Variants in CYRIB observed in about 807,000 individuals in gnomAD.
The protein encoded by CYRIB is CYFIP-related Rac1 interactor B.
In CYRIB, 8 loss-of-function variants were observed where a neutral mutation model predicts 44.2. The observed-to-expected ratio is 0.18, with a 90% CI of 0.11 to 0.33. The LOEUF is 0.33. Ranked by LOEUF, CYRIB falls within the 10% of genes least tolerant of loss-of-function variation. The probability of loss-of-function intolerance (pLI) is 1.00; values close to 1 mark genes in which losing one functional copy is unlikely to be tolerated. For missense variants in CYRIB, 185 were observed against 382.8 expected, an observed-to-expected ratio of 0.48 and a Z score of 4.31; for synonymous variants, 131 against 127.2, an observed-to-expected ratio of 1.03 and a Z score of -0.20.
chr8:129,851,970 T>C, intron 8 of CYRIB, 192 bp downstream of exon 10: 1 of 393,418 alleles, frequency 2.5e-6, no homozygotes, highest in Non-Finnish European at 4.5e-6. Context: ...GTTTCCACCA[T>C]CCCTCCAGAG....
intron 5 of CYRIB, among the ~76,000 whole-genome samples, chr8:129,858,936 G>A (rs1024525689): frequency 6.6e-6 from 1 of 152,164 alleles, no homozygotes; most frequent in Non-Finnish European, 1.5e-5. Context: ...CCACAGGGTC[G>A]GTGGGTTTCT....
At chr8:129,856,894 T>C (rs972245617) in intron 5 of CYRIB, among the ~76,000 whole-genome samples, 1 of 152,224 alleles carries the variant, frequency 6.6e-6, no homozygotes, top group Non-Finnish European at 1.5e-5. Flanking sequence ...TAAAGCAACA[T>C]TGTACGTAGC....
chr8:129,995,318 T>C (rs909843652), intron 1 of CYRIB, among the ~76,000 whole-genome samples: 2 of 152,036 alleles, frequency 1.3e-5, no homozygotes, highest in African/African-American at 4.8e-5. Context: ...ACAAAGGAAG[T>C]GTTTCTTCAT....
upstream of CYRIB, among the ~76,000 whole-genome samples, chr8:129,941,271 A>G (rs1190001832): frequency 2.4e-5 from 3 of 122,506 alleles, no homozygotes; most frequent in Non-Finnish European, 5.2e-5. Context: ...AAACTGAAGG[A>G]GATTTTTTTT....
At chr8:129,854,452 A>T (rs575827333) in intron 6 of CYRIB, 109 bp from the exon 9 acceptor site, 10 of 734,988 alleles carry the variant, frequency 1.4e-5, no homozygotes, top group Non-Finnish European at 2.2e-5. Flanking sequence ...CATAATTCAT[A>T]GTATCATTTT....
intron 1 of CYRIB, among the ~76,000 whole-genome samples, chr8:130,003,715 T>G (rs1198330772): frequency 6.6e-6 from 1 of 152,210 alleles, no homozygotes; most frequent in African/African-American, 2.4e-5. Flanking sequence ...TCCAAGGTGT[T>G]GGGACAATGA....
In CYRIB at chr8:129,895,397, T is replaced by A. The variant is rs149168057; in HGVS notation, c.-11+7915A>T. Among the ~76,000 whole-genome samples the A allele has an allele frequency of 4.2e-4, 63 of 151,706 alleles. 1 individual carries two copies. The East Asian group carries it at 0.011, about 27-fold the overall frequency. On this transcript the variant is annotated intron_variant, in intron 2 of 11. Transcript: ENST00000519824. ...TAACATATCTTAACTTTGTTTATGG[T>A]GTTGTTTGTCATAACAGTCCAGTTT...
intron 2 of CYRIB, among the ~76,000 whole-genome samples, chr8:129,952,241 A>G (rs2094542348): frequency 6.6e-6 from 1 of 152,082 alleles, no homozygotes; most frequent in South Asian, 2.1e-4. Flanking sequence ...GATGGGGTTT[A>G]GTAGAGATGG....
upstream of CYRIB, among the ~76,000 whole-genome samples, chr8:129,940,699 A>G (rs1046697969): frequency 6.6e-6 from 1 of 152,170 alleles, no homozygotes; most frequent in African/African-American, 2.4e-5. Flanking sequence ...ATTAAAGGGG[A>G]AAAGATGACA....
At chr8:129,848,732 C>A (rs1351229111) in intron 10 of CYRIB, among the ~76,000 whole-genome samples, 2 of 148,664 alleles carry the variant, frequency 1.3e-5, no homozygotes, top group East Asian at 3.9e-4. Flanking sequence ...CCACACCTGG[C>A]TAATTTTTTT....
intron 2 of CYRIB, among the ~76,000 whole-genome samples, chr8:129,949,666 G>A (rs532123558): frequency 6.6e-6 from 1 of 151,732 alleles, no homozygotes; most frequent in Non-Finnish European, 1.5e-5. Context: ...TCGGGAGTTC[G>A]AGACCAGCCT....
At chr8:129,915,527 G>A (rs1295212154) in intron 1 of CYRIB, among the ~76,000 whole-genome samples, 2 of 152,158 alleles carry the variant, frequency 1.3e-5, no homozygotes, top group South Asian at 2.1e-4. Flanking sequence ...AGGACAGAAA[G>A]GGCACAGGTG....
intron 1 of CYRIB, among the ~76,000 whole-genome samples, chr8:129,938,773 C>A (rs781300690): frequency 6.6e-6 from 1 of 152,080 alleles, no homozygotes. Context: ...AAATTTTACA[C>A]TCAGAGGAAA....
intron 1 of CYRIB, among the ~76,000 whole-genome samples, chr8:129,990,764 T>G (rs1013740671): frequency 1.3e-5 from 2 of 151,934 alleles, no homozygotes. Flanking sequence ...CCTCAAGCAG[T>G]CCTCCCACCT....
chr8:129,855,445 GTATC>G (rs2045744045), intron 6 of CYRIB, 162 bp downstream of exon 8: 2 of 614,910 alleles, frequency 3.3e-6, no homozygotes, highest in Non-Finnish European at 5.4e-6. Flanking sequence ...TCTTTGCCAT[GTATC>G]AAAAGACCCG....
At chr8:130,002,160 C>T (rs2096922083) in intron 1 of CYRIB, among the ~76,000 whole-genome samples, 1 of 152,132 alleles carries the variant, frequency 6.6e-6, no homozygotes. Flanking sequence ...TTTTAGGTTT[C>T]TTAGAGAAGA....
At chr8:129,878,675 G>T (rs1447085591) in intron 3 of CYRIB, among the ~76,000 whole-genome samples, 2 of 151,984 alleles carry the variant, frequency 1.3e-5, no homozygotes, top group Non-Finnish European at 2.9e-5. Flanking sequence ...GCCAAAAAAA[G>T]CAAAAGCTTT....
chr8:129,933,869 A>C (rs1404725296), intron 1 of CYRIB, among the ~76,000 whole-genome samples: 2 of 150,966 alleles, frequency 1.3e-5, no homozygotes, highest in African/African-American at 4.9e-5. Context: ...GTGACAGAGT[A>C]AGACTCTGTC....
rs191409272 is a variant in CYRIB, at chr8:129,987,694, T to A, written c.-295-16699A>T. ...AAGCGATTCTCCTGCCTCAGCCTCCTAAGTAGCTGGGATTCCACAGGCAGG... is the reference window on the plus strand; with the variant it reads ...AAGCGATTCTCCTGCCTCAGCCTCCAAAGTAGCTGGGATTCCACAGGCAGG... On this transcript the variant is annotated intron_variant, in intron 1 of 14. Coordinates refer to the CYRIB transcript ENST00000401979. 1.5e-4 allele frequency among the ~76,000 whole-genome samples: 23 copies of A among 151,454 alleles called. No individual in the cohort carries two copies. The East Asian group carries it at 4.5e-3, about 30-fold the overall frequency.
Sources: gnomAD v4.1 joint callset for allele counts (sites outside exome capture counted in the v4.1 genomes callset) on GRCh38, gnomAD v4.1.1 for gene constraint, MANE v1.5 for transcripts, NCBI Gene and HGNC (gene_info 2026-07-23, HGNC 2026-07-21) for gene names.